RAD51B: variants seen among roughly 807,000 people sequenced by gnomAD.
RAD51B encodes RAD51 paralog B.
In RAD51B, 38 loss-of-function variants were observed where a neutral mutation model predicts 42.2. That is an observed-to-expected ratio of 0.90 (90% confidence interval 0.70 to 1.18). RAD51B has a LOEUF of 1.18. RAD51B is among the 50% of genes most tolerant of loss of function. The probability of loss-of-function intolerance (pLI) is 0.00; values close to 1 mark genes in which losing one functional copy is unlikely to be tolerated. For missense variants in RAD51B, 373 were observed against 400.7 expected (o/e 0.93, Z 0.59); for synonymous variants, 154 against 145.2 (o/e 1.06, Z -0.43).
At chr14:67,943,448 A>G (rs888270953) in intron 7 of RAD51B, among the ~76,000 whole-genome samples, 1 of 152,188 alleles carries the variant, frequency 6.6e-6, no homozygotes, top group Non-Finnish European at 1.5e-5. Context: ...GTAAAGAAAA[A>G]GACCCTGTGG....
At chr14:67,988,485 T>G (rs115031735) in intron 7 of RAD51B, among the ~76,000 whole-genome samples, 15,795 of 151,904 alleles carry the variant, frequency 0.1, 1,076 homozygotes, top group Admixed American at 0.22. Context: ...AAGAAATAAA[T>G]AAATAATAAT....
At chr14:68,527,487 GC>G (rs1887008747) in intron 10 of RAD51B, among the ~76,000 whole-genome samples, 2 of 152,362 alleles carry the variant, frequency 1.3e-5, no homozygotes, top group Admixed American at 6.5e-5. Context: ...CAACAAAGTG[GC>G]AGGGATCAGG....
rs185601202 is a variant in RAD51B, at chr14:68,132,499, C to G, written c.757-159385C>G. On this transcript the variant is annotated intron_variant, in intron 7 of 10. Transcript: ENST00000471583. The stretch of plus-strand genomic sequence containing the variant: ...AGGCTGTATTGTGAGTTATGGACTT[C>G]TTATTCATAGTAGGATATTCTTTTC... 9.9e-4 allele frequency among the ~76,000 whole-genome samples: 151 copies of G among 152,254 alleles called. 1 individual carries two copies. Among genetic ancestry groups the G allele is most frequent in the African/African-American group, 3.2e-3 (132 of 41,544 alleles).
intron 10 of RAD51B, among the ~76,000 whole-genome samples, chr14:68,544,682 G>A (rs1204521862): frequency 2.0e-5 from 3 of 152,188 alleles, no homozygotes; most frequent in African/African-American, 7.2e-5. Flanking sequence ...GACCATGTGT[G>A]AAATTCAAGA....
At chr14:68,316,335 G>A (rs369614474) in intron 8 of RAD51B, among the ~76,000 whole-genome samples, 65 of 152,348 alleles carry the variant, frequency 4.3e-4, no homozygotes, top group African/African-American at 1.4e-3. Flanking sequence ...AACCTGGCAC[G>A]AATTATGTGC....
downstream of RAD51B, among the ~76,000 whole-genome samples, chr14:68,613,221 G>GCC (rs368018030): frequency 1.0e-3 from 155 of 152,076 alleles, 1 homozygote; most frequent in Middle Eastern, 3.4e-3. Flanking sequence ...TTCAAGACCA[G>GCC]CCTGCCCAAC....
At chr14:68,237,642 G>A (rs1321412768) in intron 7 of RAD51B, among the ~76,000 whole-genome samples, 4 of 151,496 alleles carry the variant, frequency 2.6e-5, no homozygotes, top group African/African-American at 9.7e-5. Context: ...CTATGGATTT[G>A]AGATTTTTTT....
At position 68,009,630 on chromosome 14, in the gene RAD51B, A is replaced by G. The variant is rs139204989; in HGVS notation, c.756+122426A>G. 9.5e-4 allele frequency among the ~76,000 whole-genome samples: 145 copies of G among 151,998 alleles called. 1 individual carries two copies. The highest frequency in any genetic ancestry group is 3.2e-3 in the African/African-American group (133 of 41,546). ...GGAACTTCTTCCAACATGAATATCC[A>G]TATAGCTTATCCCCATGCTTTATTT... On this transcript the variant is annotated intron_variant, in intron 7 of 10. Coordinates refer to ENST00000471583, the MANE Select transcript of RAD51B (RefSeq NM_133510.4).
At chr14:68,084,711 G>A (rs1050535483) in intron 7 of RAD51B, among the ~76,000 whole-genome samples, 1 of 152,184 alleles carries the variant, frequency 6.6e-6, no homozygotes, top group Non-Finnish European at 1.5e-5. Flanking sequence ...AACAGCAAAG[G>A]TAACCCTTGG....
At chr14:68,141,193 T>C (rs1343082109) in intron 7 of RAD51B, among the ~76,000 whole-genome samples, 1 of 152,232 alleles carries the variant, frequency 6.6e-6, no homozygotes, top group East Asian at 1.9e-4. Context: ...TTTTTTGTTT[T>C]AGAAAATCTA....
chr14:68,278,594 G>A (rs867815854), intron 7 of RAD51B, among the ~76,000 whole-genome samples: 1 of 152,310 alleles, frequency 6.6e-6, no homozygotes, highest in Middle Eastern at 3.4e-3. Context: ...ATGGCACTGG[G>A]TACTTTAAAT....
chr14:68,357,411 G>A (rs765374285), intron 8 of RAD51B, among the ~76,000 whole-genome samples: 1 of 151,908 alleles, frequency 6.6e-6, no homozygotes, highest in Non-Finnish European at 1.5e-5. Context: ...ATTCATGAAG[G>A]TTAGAATCTT....
chr14:68,099,316 C>A (rs139280115), intron 7 of RAD51B, among the ~76,000 whole-genome samples: 1 of 152,192 alleles, frequency 6.6e-6, no homozygotes, highest in Non-Finnish European at 1.5e-5. Flanking sequence ...ATGTCTTTGA[C>A]GTTTGACCTA....
chr14:68,663,174 C>T (rs538278641), intron 11 of RAD51B, among the ~76,000 whole-genome samples: 49 of 152,266 alleles, frequency 3.2e-4, no homozygotes, highest in Non-Finnish European at 6.3e-4. Context: ...TGGTGGTGCG[C>T]ACCTATAATC....
intron 7 of RAD51B, among the ~76,000 whole-genome samples, chr14:68,066,475 G>A (rs1309192762): frequency 6.6e-6 from 1 of 152,110 alleles, no homozygotes; most frequent in Admixed American, 6.5e-5. Context: ...TTCATTTATA[G>A]GAAAGGATAT....
intron 7 of RAD51B, among the ~76,000 whole-genome samples, chr14:68,040,957 T>C (rs535009892): frequency 1.1e-4 from 16 of 152,282 alleles, no homozygotes; most frequent in Admixed American, 3.9e-4. Flanking sequence ...GGTCATTAGT[T>C]TGGTTGTTCT....
intron 7 of RAD51B, among the ~76,000 whole-genome samples, chr14:68,063,373 G>A (rs1361223581): frequency 1.3e-5 from 2 of 152,130 alleles, no homozygotes; most frequent in African/African-American, 4.8e-5. Flanking sequence ...TCTCATGAAT[G>A]GTTTAGTTTC....
At chr14:68,629,952 A>C (rs1892186269) in intron 10 of RAD51B, among the ~76,000 whole-genome samples, 2 of 152,260 alleles carry the variant, frequency 1.3e-5, no homozygotes, top group Admixed American at 1.3e-4. Context: ...CCTGGAGGCC[A>C]AGCCTCCTGT....
At chr14:68,532,198 GAAC>G (rs1273739523) in intron 10 of RAD51B, among the ~76,000 whole-genome samples, 1 of 151,928 alleles carries the variant, frequency 6.6e-6, no homozygotes, top group Non-Finnish European at 1.5e-5. Flanking sequence ...GAAGCAAGGA[GAAC>G]AATAGATTAA....
Sources: gnomAD v4.1 joint callset for allele counts (sites outside exome capture counted in the v4.1 genomes callset) on GRCh38, gnomAD v4.1.1 for gene constraint, MANE v1.5 for transcripts, NCBI Gene and HGNC (gene_info 2026-07-23, HGNC 2026-07-21) for gene names.